EFTUD2: variants seen among roughly 807,000 people sequenced by gnomAD.
The protein encoded by EFTUD2 is 116 kDa U5 small nuclear ribonucleoprotein component.
In EFTUD2, 9 loss-of-function variants were observed where a neutral mutation model predicts 114.3. That is an observed-to-expected ratio of 0.08 (90% CI 0.05 to 0.14). EFTUD2 has a LOEUF of 0.14. Ranked by LOEUF, EFTUD2 falls within the 10% of genes least tolerant of loss-of-function variation. The pLI is 1.00. For synonymous variants in EFTUD2, 449 were observed against 462.3 expected (o/e 0.97, Z 0.37); for missense variants, 765 against 1,241.2 (o/e 0.62, Z 5.76).
At chr17:44,851,402 G>T in intron 27 of EFTUD2, 33 bp from the exon 28 acceptor site, 2 of 1,560,280 alleles carry the variant, frequency 1.3e-6, no homozygotes, top group Non-Finnish European at 8.8e-7. Context: ...AAGAAAGCCC[G>T]AGGTGGTCGC....
chr17:44,852,941 C>T (rs182099789), intron 25 of EFTUD2, among the ~76,000 whole-genome samples: 7 of 151,014 alleles, frequency 4.6e-5, no homozygotes, highest in South Asian at 2.1e-4. Context: ...AATGCAGTGG[C>T]GCCATCTCGG....
Position 44,854,491 on chromosome 17 carries a change from CTT to C in EFTUD2, c.2259+63_2259+64del. The stretch of plus-strand genomic sequence containing the variant: ...ACAAGATACTTTTGGGAAAAGAACA[CTT>C]TGTAGTTTCTTCCACTCCAGAGGTA... On this transcript the variant is annotated intron_variant, in intron 22 of 27. Coordinates refer to ENST00000426333, the MANE Select transcript of EFTUD2 (RefSeq NM_004247.4). This position sits in a 1 kb window ranked among gnomAD's most constrained non-coding sequence, Gnocchi z 4.3. 1 of 1,586,740 alleles carries C rather than the reference CTT, an allele frequency of 6.3e-7. No individual in the cohort carries two copies. The highest frequency in any genetic ancestry group is 8.6e-7 in the Non-Finnish European group (1 of 1,164,556).
At position 44,854,597 on chromosome 17, in the gene EFTUD2, T is replaced by A. The variant is rs1597789521; in HGVS notation, c.2218A>T (p.Thr740Ser). The stretch of plus-strand genomic sequence containing the variant: ...TCATCCACCAGAATGTTGGGGCCAG[T>A]CGCATCAGGGCCAAAAGCCCAGATG... Reference protein sequence around the residue: ...RSIWAFGPDATGPNILVDDTL... With the variant: ...RSIWAFGPDASGPNILVDDTL... The change falls in exon 22 of 28, where the codon ACT (threonine) becomes TCT (serine). Residue 740 changes from threonine (T) to serine (S), a missense_variant. Thr to Ser is a moderately conservative substitution (Grantham distance 58). This residue lies in a region of EFTUD2 where 166 missense variants were observed against 401.5 expected (regional missense o/e 0.41). Coordinates refer to ENST00000426333, the MANE Select transcript of EFTUD2 (RefSeq NM_004247.4). The surrounding 1 kb of genome is among the most constrained non-coding windows in gnomAD (Gnocchi z 4.3). 6.2e-7 allele frequency: 1 copy of A among 1,614,100 alleles called. No individual in the cohort carries two copies. The highest frequency in any genetic ancestry group is 1.7e-5 in the Admixed American group (1 of 60,012).
At chr17:44,857,331 ACCAAAAAGC>A (rs1270255886) in intron 19 of EFTUD2, 174 bp from the exon 20 acceptor site, 6 of 542,942 alleles carry the variant, frequency 1.1e-5, no homozygotes, top group Non-Finnish European at 2.0e-5. Flanking sequence ...CCAAATCATC[ACCAAAAAGC>A]CCAAGAAAAC....
At chr17:44,887,677 G>A (rs1487388031) in intron 2 of EFTUD2, among the ~76,000 whole-genome samples, 2 of 152,174 alleles carry the variant, frequency 1.3e-5, no homozygotes, top group African/African-American at 4.8e-5. Context: ...TGGCAGGGTA[G>A]GTGTGGGTGG....
At chr17:44,884,471 A>G (rs1007841521) in intron 4 of EFTUD2, among the ~76,000 whole-genome samples, 2 of 151,590 alleles carry the variant, frequency 1.3e-5, no homozygotes, top group African/African-American at 2.4e-5. Context: ...GAGAGCTGAG[A>G]TCATGCCACT....
At chr17:44,875,828 C>A in intron 10 of EFTUD2, 106 bp downstream of exon 10, 9 of 1,436,540 alleles carry the variant, frequency 6.3e-6, no homozygotes, top group Non-Finnish European at 8.5e-6. Context: ...GCCCAACAAA[C>A]TCATCAACAC....
intron 19 of EFTUD2, among the ~76,000 whole-genome samples, chr17:44,858,839 C>T (rs956410336): frequency 2.2e-4 from 34 of 152,154 alleles, no homozygotes; most frequent in African/African-American, 7.7e-4. Flanking sequence ...CCTCCCACCT[C>T]GGCCTCCCAA....
intron 9 of EFTUD2, among the ~76,000 whole-genome samples, chr17:44,877,642 C>T (rs1000256102): frequency 2.0e-5 from 3 of 151,330 alleles, no homozygotes; most frequent in African/African-American, 4.9e-5. Context: ...CCCATTTCTA[C>T]AAAAAATTCA....
chr17:44,859,444 C>T, intron 18 of EFTUD2: 1 of 553,582 alleles, frequency 1.8e-6, no homozygotes, highest in East Asian at 3.1e-5. Flanking sequence ...TCAAACTCTA[C>T]CCTATACCCA....
rs114460330 is a variant in EFTUD2 at position 44,862,098 on chromosome 17, T to C, written c.1607+615A>G. Among the ~76,000 whole-genome samples, 1,194 of 152,226 alleles carry C rather than the reference T, an allele frequency of 7.8e-3. 23 individuals carry two copies. Among genetic ancestry groups the C allele is most frequent in the African/African-American group, 0.026 (1,090 of 41,534 alleles). ...AAAAGAGGATTAAGATGAGTAACAA[T>C]GGAAATCCTCCTACAAAAGTTCATA... On this transcript the variant is annotated intron_variant, in intron 16 of 27. Transcript: ENST00000426333.
intron 2 of EFTUD2, among the ~76,000 whole-genome samples, chr17:44,892,519 G>C (rs968936518): frequency 2.6e-5 from 4 of 151,984 alleles, no homozygotes; most frequent in Admixed American, 6.6e-5. Context: ...AGGTTAACTG[G>C]GGAAGAAGAG....
intron 3 of EFTUD2, 59 bp from the exon 4 acceptor site, chr17:44,885,393 A>C: frequency 8.8e-7 from 1 of 1,141,216 alleles, no homozygotes; most frequent in East Asian, 2.3e-5. Flanking sequence ...AAAATACGGA[A>C]CACTATTCCA....
intron 4 of EFTUD2, 146 bp from the exon 5 acceptor site, chr17:44,883,870 T>TA: frequency 1.4e-6 from 1 of 689,894 alleles, no homozygotes; most frequent in Non-Finnish European, 2.6e-6. Flanking sequence ...TGTCTATACT[T>TA]ACATAGCTCT....
At chr17:44,873,577 CTT>C (rs1359632538) in intron 10 of EFTUD2, among the ~76,000 whole-genome samples, 3 of 151,946 alleles carry the variant, frequency 2.0e-5, no homozygotes, top group Non-Finnish European at 2.9e-5. Flanking sequence ...ACCTTGAACT[CTT>C]GGGCTCAAGC....
Position 44,868,348 on chromosome 17 carries a change from C to T in EFTUD2, c.997G>A (p.Asp333Asn). The T allele has an allele frequency of 6.2e-7, 1 of 1,613,822 alleles. No homozygotes were observed. The change falls in exon 12 of 28, where the codon GAC becomes AAC. Residue 333 changes from aspartate (D) to asparagine (N), a missense_variant and splice_region_variant. Around this residue, in one of 6 missense-constraint regions of EFTUD2, gnomAD observed 251 missense variants for 357.7 expected, o/e 0.70. Transcript: ENST00000426333. Reference sequence around the variant, plus strand: ...TTAGCAAATTCTTGGTAATTAATGTCACCTATGGGAGAAGCCACACAATTA... The same window carrying T: ...TTAGCAAATTCTTGGTAATTAATGTTACCTATGGGAGAAGCCACACAATTA... ...FAKIYADTFG[D>N]INYQEFAKRL...
intron 1 of EFTUD2, chr17:44,898,979 C>A (rs16939676): frequency 0.12 from 18,608 of 152,272 alleles, 1,226 homozygotes; most frequent in East Asian, 0.24. Context: ...ACAAACCTCA[C>A]TGCCGCTTCC....
chr17:44,868,086 T>G (rs1353231559), intron 12 of EFTUD2, among the ~76,000 whole-genome samples, 189 bp from the exon 13 acceptor site: 1 of 151,530 alleles, frequency 6.6e-6, no homozygotes, highest in Non-Finnish European at 1.5e-5. Context: ...TGAGCTGGGC[T>G]GTAAAGACTT....
intron 27 of EFTUD2, among the ~76,000 whole-genome samples, 164 bp downstream of exon 27, chr17:44,851,546 A>G (rs2050448716): frequency 6.6e-6 from 1 of 152,204 alleles, no homozygotes; most frequent in South Asian, 2.1e-4. Flanking sequence ...CTCCTTTCCC[A>G]ACGAGACTGG....
Sources: allele counts gnomAD v4.1 joint callset (sites outside exome capture counted in the v4.1 genomes callset), GRCh38; gene constraint gnomAD v4.1.1; regional missense constraint gnomAD v4.1.1; non-coding constraint Gnocchi (gnomAD v3.1); transcripts MANE v1.5; gene names NCBI Gene and HGNC (gene_info 2026-07-23, HGNC 2026-07-21).